Variants in NXT1 observed in about 807,000 individuals in gnomAD.
NXT1 encodes the protein NTF2-related export protein 1.
Under a neutral mutation model 9.9 loss-of-function variants are expected in NXT1, and 3 were observed. The ratio of observed to expected loss-of-function variants is 0.30; its 90% confidence interval spans 0.14 to 0.79. The LOEUF (loss-of-function observed/expected upper bound fraction) is 0.79, where lower values mean the gene tolerates loss of function less well. NXT1 is among the 30% of genes least tolerant of loss of function. The pLI, the probability that NXT1 is intolerant of heterozygous loss-of-function variation, is 0.63. For synonymous variants in NXT1, 53 were observed against 66.5 expected (o/e 0.80, Z 0.99); for missense variants, 91 against 178.2 (o/e 0.51, Z 2.79).
Position 23,354,540 on chromosome 20 carries a change from G to T in NXT1, c.*76G>T, listed in dbSNP as rs1980355379. The T allele has an allele frequency of 2.0e-6, 3 of 1,469,198 alleles. No individual in the cohort carries two copies. Among genetic ancestry groups the T allele is most frequent in the Non-Finnish European group, 2.8e-6 (3 of 1,090,470 alleles). The allele number at this position is 1,469,198 out of a possible 1,614,324, so 91.0% of individuals were successfully genotyped here. Reference sequence around the variant, plus strand: ...AATGCAAACCTCGACTCTCAAGGATGTGAGGAACACAAGTTCATTTCTGTT... The same window carrying T: ...AATGCAAACCTCGACTCTCAAGGATTTGAGGAACACAAGTTCATTTCTGTT... On this transcript the variant is annotated 3_prime_UTR_variant, in exon 2 of 2. Coordinates refer to ENST00000254998, the MANE Select transcript of NXT1 (RefSeq NM_013248.3).
intron 1 of NXT1, among the ~76,000 whole-genome samples, chr20:23,353,165 G>A (rs996259477): frequency 1.3e-5 from 2 of 152,156 alleles, no homozygotes; most frequent in African/African-American, 4.8e-5. Context: ...AAGCATTCAG[G>A]AAAGAGTGGC....
At chr20:23,352,310 C>T (rs1347084170) in intron 1 of NXT1, among the ~76,000 whole-genome samples, 8 of 152,100 alleles carry the variant, frequency 5.3e-5, no homozygotes, top group African/African-American at 1.9e-4. Context: ...GTCCAGAGTA[C>T]AGTTGAGGCT....
At chr20:23,353,954 C>T in intron 1 of NXT1, 27 bp from the exon 2 acceptor site, 1 of 1,347,070 alleles carries the variant, frequency 7.4e-7, no homozygotes, top group Non-Finnish European at 1.0e-6. Flanking sequence ...ATTCACGTGG[C>T]TTCTCTTCAA....
intron 1 of NXT1, among the ~76,000 whole-genome samples, chr20:23,352,421 A>G (rs892887105): frequency 6.6e-6 from 1 of 152,156 alleles, no homozygotes; most frequent in Non-Finnish European, 1.5e-5. Context: ...GCCCTTTACC[A>G]GAGGCAATGC....
chr20:23,351,418 C>T, intron 1 of NXT1: 1 of 152,300 alleles, frequency 6.6e-6, no homozygotes, highest in Non-Finnish European at 1.5e-5. Context: ...CGGCAGTCTT[C>T]ACAGCCTCTT....
chr20:23,354,125 G>T lies in NXT1; in HGVS notation c.84G>T (p.Met28Ile), dbSNP rs1215023384. 1.2e-5 allele frequency: 19 copies of T among 1,614,164 alleles called. No individual in the cohort carries two copies. The highest frequency in any genetic ancestry group is 1.6e-5 in the Non-Finnish European group (19 of 1,180,036). The change falls in exon 2 of 2, where the codon ATG (methionine) becomes ATT (isoleucine). Residue 28 changes from methionine to isoleucine, a missense_variant. Physicochemically the swap from Met to Ile is conservative, Grantham distance 10 (BLOSUM62 1). Transcript: ENST00000254998. Reference protein sequence around the residue: ...EEFVNVYYTTMDKRRRLLSRL... With the variant: ...EEFVNVYYTTIDKRRRLLSRL... ...TTGTCAATGTCTACTACACCACCAT[G>T]GATAAGCGGCGGCGTTTGCTGTCCC...
At chr20:23,353,728 A>C (rs1163203185) in intron 1 of NXT1, among the ~76,000 whole-genome samples, 2 of 152,248 alleles carry the variant, frequency 1.3e-5, no homozygotes, top group African/African-American at 2.4e-5. Context: ...GACTATAACT[A>C]AATGTTTTTA....
chr20:23,353,114 A>G (rs1261106462), intron 1 of NXT1, among the ~76,000 whole-genome samples: 2 of 152,130 alleles, frequency 1.3e-5, no homozygotes, highest in South Asian at 2.1e-4. Context: ...TCCCTTCAAC[A>G]TGGTCCACTG....
At chr20:23,353,924 A>C in intron 1 of NXT1, 57 bp from the exon 2 acceptor site, 1 of 943,044 alleles carries the variant, frequency 1.1e-6, no homozygotes, top group Non-Finnish European at 1.6e-6. Context: ...TTCCATTGTC[A>C]GGGCAGAATG....
At chr20:23,352,326 A>C (rs532884864) in intron 1 of NXT1, among the ~76,000 whole-genome samples, 25 of 152,272 alleles carry the variant, frequency 1.6e-4, no homozygotes, top group African/African-American at 6.0e-4. Context: ...AGGCTTAACT[A>C]TGAGGTCTGT....
At chr20:23,351,309 T>G (rs542924399) in intron 1 of NXT1, 1 of 152,248 alleles carries the variant, frequency 6.6e-6, no homozygotes, top group African/African-American at 2.4e-5. Context: ...TCTGTCTAGG[T>G]TTGAATTAAA....
intron 1 of NXT1, 47 bp from the exon 2 acceptor site, chr20:23,353,934 G>A: frequency 9.6e-7 from 1 of 1,043,130 alleles, no homozygotes; most frequent in African/African-American, 1.6e-5. Context: ...AGGGCAGAAT[G>A]AACTTTGGCA....
rs373630698 is a variant in NXT1, at chr20:23,354,022, C to G, written c.-20C>G. On this transcript the variant is annotated 5_prime_UTR_variant, in exon 2 of 2. Coordinates refer to ENST00000254998, the MANE Select transcript of NXT1 (RefSeq NM_013248.3). ...GCAGAGGAAATACCCTGGTGGAGCC[C>G]TCCTTCCATAGAACCAGAGATGGCA... 4 of 1,603,044 alleles carry G rather than the reference C, an allele frequency of 2.5e-6. No homozygotes were observed. The African/African-American group carries it at 5.4e-5, about 21-fold the overall frequency.
At chr20:23,352,013 A>C (rs544308664) in intron 1 of NXT1, among the ~76,000 whole-genome samples, 1 of 152,314 alleles carries the variant, frequency 6.6e-6, no homozygotes, top group South Asian at 2.1e-4. Flanking sequence ...CAAATCAAAA[A>C]TATTCTTCAG....
intron 1 of NXT1, among the ~76,000 whole-genome samples, 174 bp from the exon 2 acceptor site, chr20:23,353,807 T>C (rs1458630961): frequency 1.3e-5 from 2 of 152,180 alleles, no homozygotes; most frequent in African/African-American, 4.8e-5. Context: ...GTGAGCAAAC[T>C]GAGTCTTAGT....
At chr20:23,352,194 T>C (rs1806269160) in intron 1 of NXT1, among the ~76,000 whole-genome samples, 2 of 152,334 alleles carry the variant, frequency 1.3e-5, no homozygotes, top group Non-Finnish European at 2.9e-5. Flanking sequence ...ATAGGTTATA[T>C]CAAACAGTAC....
At chr20:23,351,238 G>A (rs1426919953) in intron 1 of NXT1, 177 bp downstream of exon 1, 1 of 152,408 alleles carries the variant, frequency 6.6e-6, no homozygotes, top group East Asian at 1.9e-4. Context: ...CATCAACGAG[G>A]GGAGGCGCGT....
In NXT1 at chr20:23,354,757, C is replaced by T. The variant is rs986313053; in HGVS notation, c.*293C>T. On this transcript the variant is annotated 3_prime_UTR_variant, in exon 2 of 2. Coordinates refer to ENST00000254998, the MANE Select transcript of NXT1 (RefSeq NM_013248.3). ...AATTCTGACAAATAATTTAATAATA[C>T]ACATGTTGCTTCTTTCCCTGTCTGA... 3 of 404,978 alleles carry T rather than the reference C, an allele frequency of 7.4e-6. No homozygotes were observed. The highest frequency in any genetic ancestry group is 6.2e-5 in the African/African-American group (3 of 48,428). The allele number at this position is 404,978 out of a possible 1,614,324, so 25.1% of individuals were successfully genotyped here.
intron 1 of NXT1, among the ~76,000 whole-genome samples, chr20:23,352,357 C>T (rs1444111427): frequency 1.3e-5 from 2 of 152,174 alleles, no homozygotes; most frequent in South Asian, 2.1e-4. Flanking sequence ...GAAAGACCCA[C>T]GTCTGAAATT....
Sources: gnomAD v4.1 joint callset for allele counts (sites outside exome capture counted in the v4.1 genomes callset) on GRCh38, gnomAD v4.1.1 for gene constraint, MANE v1.5 for transcripts, NCBI Gene and HGNC (gene_info 2026-07-23, HGNC 2026-07-21) for gene names.